Variants in LUZP2 observed in about 807,000 individuals in gnomAD.
LUZP2 encodes leucine zipper protein 2.
Under a neutral mutation model 51.6 loss-of-function variants are expected in LUZP2, and 52 were observed. The observed-to-expected ratio is 1.01, with a 90% CI of 0.81 to 1.27. LUZP2 has a LOEUF of 1.27. LUZP2 is among the 50% of genes most tolerant of loss of function. The pLI is 0.00. For synonymous variants in LUZP2, 154 were observed against 137.3 expected, an observed-to-expected ratio of 1.12 and a Z score of -0.85; for missense variants, 436 against 395.4, an observed-to-expected ratio of 1.10 and a Z score of -0.87.
chr11:24,998,895 T>TAAATTTTAAAACTATTTTAAAATAGTTTA (rs1258537492), intron 9 of LUZP2, among the ~76,000 whole-genome samples: 3 of 152,194 alleles, frequency 2.0e-5, no homozygotes, highest in South Asian at 2.1e-4. Context: ...AGTTACTTCA[T>TAAATTTTAAAACTATTTTAAAATAGTTTA]AAATTTTAAA....
intron 1 of LUZP2, among the ~76,000 whole-genome samples, chr11:24,677,416 G>A (rs1171873685): frequency 1.3e-5 from 2 of 152,124 alleles, no homozygotes; most frequent in South Asian, 2.1e-4. Flanking sequence ...TTCTGTCTTC[G>A]TGTAGGTATG....
chr11:25,026,928 G>A lies in LUZP2; in HGVS notation c.766-23110G>A, dbSNP rs186831466. Reference sequence around the variant, plus strand: ...TTATTATACTTTAAGTTTTAAACCAGTAAAATCTTGACCCTCTCCTAAATT... The same window carrying A: ...TTATTATACTTTAAGTTTTAAACCAATAAAATCTTGACCCTCTCCTAAATT... On this transcript the variant is annotated intron_variant, in intron 9 of 11. Coordinates refer to ENST00000336930, the MANE Select transcript of LUZP2 (RefSeq NM_001009909.4). 6.7e-5 allele frequency among the ~76,000 whole-genome samples: 10 copies of A among 149,182 alleles called. 1 individual carries two copies. In the East Asian group the frequency reaches 1.8e-3, roughly 26 times the overall value.
chr11:25,015,897 C>CTTTTTTTT (rs553027081), intron 9 of LUZP2, among the ~76,000 whole-genome samples: 1 of 134,096 alleles, frequency 7.5e-6, no homozygotes, highest in African/African-American at 2.7e-5. Flanking sequence ...GTGTGAATTT[C>CTTTTTTTT]TTTTTTTTTT....
chr11:24,730,109 A>G (rs1025095052), intron 2 of LUZP2, among the ~76,000 whole-genome samples: 2 of 151,660 alleles, frequency 1.3e-5, no homozygotes, highest in African/African-American at 4.8e-5. Context: ...GATGATAATA[A>G]TGATAATGAT....
At chr11:24,704,860 A>T (rs970718763) in intron 1 of LUZP2, among the ~76,000 whole-genome samples, 1 of 152,170 alleles carries the variant, frequency 6.6e-6, no homozygotes, top group Non-Finnish European at 1.5e-5. Flanking sequence ...CTATAGTCCC[A>T]GGCTCTCTTC....
intron 4 of LUZP2, among the ~76,000 whole-genome samples, chr11:24,739,336 A>T (rs549394406): frequency 6.6e-6 from 1 of 152,048 alleles, no homozygotes; most frequent in South Asian, 2.1e-4. Context: ...TAAGGTGATT[A>T]GGGCAACTCC....
intron 9 of LUZP2, among the ~76,000 whole-genome samples, chr11:25,005,454 T>G (rs7931096): frequency 4.0e-5 from 6 of 151,882 alleles, no homozygotes; most frequent in Non-Finnish European, 8.8e-5. Flanking sequence ...TTTTTCCCCA[T>G]CAGAGAGAGA....
intron 7 of LUZP2, among the ~76,000 whole-genome samples, chr11:24,937,629 C>T (rs1176163046): frequency 2.0e-5 from 3 of 151,894 alleles, no homozygotes; most frequent in South Asian, 2.1e-4. Flanking sequence ...TGGCCGGGCG[C>T]GGTGGCTCAC....
intron 1 of LUZP2, chr11:24,701,612 CT>C (rs1857424568): frequency 6.5e-6 from 1 of 152,784 alleles, no homozygotes; most frequent in South Asian, 2.1e-4. Flanking sequence ...TCCTGTATTC[CT>C]TCTTGTACAG....
At chr11:24,684,556 G>T (rs570042161) in intron 1 of LUZP2, among the ~76,000 whole-genome samples, 1 of 152,204 alleles carries the variant, frequency 6.6e-6, no homozygotes, top group Non-Finnish European at 1.5e-5. Flanking sequence ...CGCTGATGGT[G>T]TGCTGTAAGC....
chr11:24,954,012 CT>C (rs904745260), intron 7 of LUZP2, among the ~76,000 whole-genome samples: 193 of 147,828 alleles, frequency 1.3e-3, no homozygotes, highest in Non-Finnish European at 2.0e-3. Flanking sequence ...AAATAATCAT[CT>C]TTTTTTTTTT....
chr11:24,719,199 AT>A (rs1858169502), intron 1 of LUZP2, among the ~76,000 whole-genome samples: 1 of 152,200 alleles, frequency 6.6e-6, no homozygotes, highest in Non-Finnish European at 1.5e-5. Context: ...AAAAAAGAAA[AT>A]GCATATAATG....
At chr11:24,581,039 A>AAAGCTCTG (rs1852834552) in intron 1 of LUZP2, among the ~76,000 whole-genome samples, 1 of 152,070 alleles carries the variant, frequency 6.6e-6, no homozygotes, top group Non-Finnish European at 1.5e-5. Context: ...CATATTTCTC[A>AAAGCTCTG]AAGCTCTGAG....
intron 1 of LUZP2, among the ~76,000 whole-genome samples, chr11:24,660,310 G>T (rs1484024010): frequency 1.3e-5 from 2 of 152,234 alleles, no homozygotes; most frequent in African/African-American, 4.8e-5. Context: ...AAATAATGGG[G>T]CTGACAACTT....
intron 9 of LUZP2, among the ~76,000 whole-genome samples, chr11:24,999,829 G>T (rs1408069072): frequency 1.3e-5 from 2 of 152,178 alleles, no homozygotes; most frequent in East Asian, 3.9e-4. Flanking sequence ...GAATGAAGCT[G>T]CAGACCCTCG....
chr11:25,054,615 TG>T (rs1300536232), intron 10 of LUZP2, among the ~76,000 whole-genome samples: 1 of 152,160 alleles, frequency 6.6e-6, no homozygotes, highest in African/African-American at 2.4e-5. Flanking sequence ...TTAGTATCTT[TG>T]TCAAAAAATA....
chr11:24,726,667 G>T lies in LUZP2; in HGVS notation c.63-2502G>T, dbSNP rs527671083. 4.6e-3 allele frequency among the ~76,000 whole-genome samples: 703 copies of T among 151,934 alleles called. 5 individuals carry two copies. Among genetic ancestry groups the T allele is most frequent in the Admixed American group, 6.2e-3 (95 of 15,248 alleles). On this transcript the variant is annotated intron_variant, in intron 1 of 11. Transcript: ENST00000336930. ...ATTTTTAAGAGAGAAAGAAAAAATT[G>T]GAAACACCGTAAATTATCAGTGGTA...
chr11:24,819,159 A>C (rs1850281045), intron 5 of LUZP2, among the ~76,000 whole-genome samples: 1 of 152,090 alleles, frequency 6.6e-6, no homozygotes, highest in Admixed American at 6.6e-5. Context: ...AGGCAAATAT[A>C]ATGGGAAGTG....
At chr11:24,582,299 A>ATTT (rs67262111) in intron 1 of LUZP2, among the ~76,000 whole-genome samples, 16 of 54,518 alleles carry the variant, frequency 2.9e-4, no homozygotes, top group African/African-American at 9.1e-4. Flanking sequence ...TCCCTAGCTG[A>ATTT]TTTTTTTTTT....
Sources: gnomAD v4.1 joint callset for allele counts (sites outside exome capture counted in the v4.1 genomes callset) on GRCh38, gnomAD v4.1.1 for gene constraint, MANE v1.5 for transcripts, NCBI Gene and HGNC (gene_info 2026-07-23, HGNC 2026-07-21) for gene names.